MPP4: variants seen among roughly 807,000 people sequenced by gnomAD.
MPP4 encodes the protein MAGUK p55 scaffold protein 4.
In MPP4, 91 loss-of-function variants were observed where a neutral mutation model predicts 98.3. The ratio of observed to expected loss-of-function variants is 0.93; its 90% CI spans 0.78 to 1.10. MPP4 has a LOEUF of 1.10. Ranked by LOEUF, MPP4 falls within the 50% of genes least tolerant of loss-of-function variation. The pLI, the probability that MPP4 is intolerant of heterozygous loss-of-function variation, is 0.00. For missense variants in MPP4, 744 were observed against 792.9 expected (o/e 0.94, Z 0.74); for synonymous variants, 261 against 271.8 (o/e 0.96, Z 0.39).
intron 7 of MPP4, 102 bp downstream of exon 7, chr2:201,684,962 A>T: frequency 1.5e-5 from 4 of 271,356 alleles, no homozygotes; most frequent in South Asian, 6.7e-5. Flanking sequence ...AAAAAAAAAG[A>T]AAAAAAAAAA....
intron 14 of MPP4, among the ~76,000 whole-genome samples, chr2:201,660,682 C>A (rs1213104347): frequency 6.6e-6 from 1 of 152,054 alleles, no homozygotes; most frequent in Non-Finnish European, 1.5e-5. Flanking sequence ...CAGGTTTGAG[C>A]CTTCTCCCTC....
At position 201,666,383 on chromosome 2, in the gene MPP4, G is replaced by A; in HGVS notation, c.1013-11C>T. On this transcript the variant is annotated splice_polypyrimidine_tract_variant and intron_variant, in intron 12 of 21. Transcript: ENST00000409474. ...TCTTCATGTCATCTTCTATAAAAGA[G>A]TATAGAAAGGGAGAAACAGAATTTA... is the stretch of plus-strand genomic sequence containing the variant. 6.5e-7 allele frequency: 1 copy of A among 1,530,058 alleles called. No homozygotes were observed. The highest frequency in any genetic ancestry group is 8.8e-7 in the Non-Finnish European group (1 of 1,135,470). The allele number at this position is 1,530,058 out of a possible 1,614,324, so 94.8% of individuals were successfully genotyped here.
rs142507438 is a variant in MPP4, at chr2:201,645,814, C to A, written c.1720-410G>T. On this transcript the variant is annotated intron_variant, in intron 21 of 21. Coordinates refer to ENST00000409474, the MANE Select transcript of MPP4 (RefSeq NM_033066.3). ...TATAGGCACATGCCATCATGCCCAG[C>A]TAATTTTTGTAGAGAAAATATAATT... Among the ~76,000 whole-genome samples, 299 of 152,194 alleles carry A rather than the reference C, an allele frequency of 2.0e-3. 2 individuals are homozygous for A. The South Asian group carries it at 0.027, about 14-fold the overall frequency.
chr2:201,661,569 T>C, intron 14 of MPP4: 2 of 456,440 alleles, frequency 4.4e-6, no homozygotes, highest in South Asian at 1.5e-5. Flanking sequence ...GCAGTGCTGT[T>C]CTCAAAAGAA....
At chr2:201,651,710 T>C (rs2105912301) in intron 18 of MPP4, 1 of 933,040 alleles carries the variant, frequency 1.1e-6, no homozygotes, top group East Asian at 1.2e-4. Flanking sequence ...TCCCAGCACT[T>C]TGGGAGGCCA....
Position 201,685,902 on chromosome 2 carries a change from A to G in MPP4, c.492+17T>C, listed in dbSNP as rs574365682. ...TAAGCTTACCCTAAATGGAAAGATA[A>G]AAAATGATTTCCTTACCAGGGGCTG... is the stretch of plus-strand genomic sequence containing the variant. On this transcript the variant is annotated intron_variant, in intron 6 of 21. Transcript: ENST00000409474. 6.2e-7 allele frequency: 1 copy of G among 1,607,638 alleles called. No homozygotes were observed. Among genetic ancestry groups the G allele is most frequent in the African/African-American group, 1.3e-5 (1 of 74,922 alleles).
intron 16 of MPP4, among the ~76,000 whole-genome samples, 184 bp from the exon 17 acceptor site, chr2:201,656,552 C>T (rs1448417361): frequency 6.6e-6 from 1 of 152,194 alleles, no homozygotes; most frequent in Non-Finnish European, 1.5e-5. Context: ...TGTGCTAGCC[C>T]ATCTAGCACC....
chr2:201,677,905 G>A (rs1168570059), intron 10 of MPP4, among the ~76,000 whole-genome samples: 2 of 152,152 alleles, frequency 1.3e-5, no homozygotes, highest in South Asian at 4.1e-4. Context: ...CTCGGGGCAG[G>A]CCTCTTGCCC....
intron 18 of MPP4, 33 bp downstream of exon 18, chr2:201,654,804 C>T: frequency 1.3e-6 from 2 of 1,531,374 alleles, no homozygotes; most frequent in Non-Finnish European, 1.8e-6. Context: ...TTTACCAAAA[C>T]ACAAACCATT....
rs538270389 is a variant in MPP4 at position 201,681,087 on chromosome 2, G to A, written c.733-53C>T. On this transcript the variant is annotated intron_variant, in intron 9 of 21. Coordinates refer to ENST00000409474, the MANE Select transcript of MPP4 (RefSeq NM_033066.3). ...CAGAAGGTGCCTAATGGTGCCATCC[G>A]AAGAACCCTTGCCCATGGGCCATCA... 554 of 1,559,754 alleles carry A rather than the reference G, an allele frequency of 3.6e-4. 1 individual carries two copies. The highest frequency in any genetic ancestry group is 4.3e-4 in the South Asian group (37 of 86,680).
intron 16 of MPP4, 40 bp from the exon 17 acceptor site, chr2:201,656,408 G>C: frequency 6.6e-7 from 1 of 1,512,862 alleles, no homozygotes; most frequent in Non-Finnish European, 8.9e-7. Flanking sequence ...AACCAGGCAG[G>C]AGAGATCACT....
Position 201,645,170 on chromosome 2 carries a change from A to T in MPP4, c.*40T>A. On this transcript the variant is annotated 3_prime_UTR_variant, in exon 22 of 22. Transcript: ENST00000409474. ...GATTGCAACTATGGATCGCTGTATC[A>T]AGGGTACAGTGTTAAAACTCCAGCA... The T allele has an allele frequency of 6.5e-7, 1 of 1,529,046 alleles. No homozygotes were observed. Among genetic ancestry groups the T allele is most frequent in the South Asian group, 1.2e-5 (1 of 80,778 alleles). 94.7% of individuals were successfully genotyped at this position (1,529,046 alleles called of 1,614,324 possible).
chr2:201,684,218 C>CA (rs10578908), intron 7 of MPP4, among the ~76,000 whole-genome samples: 46 of 137,152 alleles, frequency 3.4e-4, no homozygotes, highest in African/African-American at 1.2e-3. Flanking sequence ...GACCCTGTCT[C>CA]AAAAAAAAAA....
intron 5 of MPP4, among the ~76,000 whole-genome samples, chr2:201,686,338 A>G (rs1301176762): frequency 6.6e-6 from 1 of 152,234 alleles, no homozygotes; most frequent in African/African-American, 2.4e-5. Context: ...ATGCCACGAC[A>G]TTCTTATTTC....
At position 201,687,372 on chromosome 2, in the gene MPP4, C is replaced by A. The variant is rs752634578; in HGVS notation, c.280-1G>T. The A allele has an allele frequency of 6.4e-7, 1 of 1,571,014 alleles. No individual in the cohort carries two copies. Among genetic ancestry groups the A allele is most frequent in the Non-Finnish European group, 8.6e-7 (1 of 1,156,286 alleles). ...GGGTTTCACGTAATAACTCCACTACCTGGTTCATGGAAAAGGATACATTAT... is the reference window on the plus strand; with the variant it reads ...GGGTTTCACGTAATAACTCCACTACATGGTTCATGGAAAAGGATACATTAT... On this transcript the variant is annotated splice_acceptor_variant, in intron 4 of 21. Coordinates refer to ENST00000409474, the MANE Select transcript of MPP4 (RefSeq NM_033066.3). LOFTEE classifies it high-confidence loss of function.
At chr2:201,685,326 A>G (rs940113834) in intron 6 of MPP4, among the ~76,000 whole-genome samples, 181 bp from the exon 7 acceptor site, 1 of 151,162 alleles carries the variant, frequency 6.6e-6, no homozygotes, top group Non-Finnish European at 1.5e-5. Flanking sequence ...CTGGTTTTTC[A>G]AACAAGGCTA....
intron 12 of MPP4, among the ~76,000 whole-genome samples, chr2:201,666,938 A>G (rs1429447141): frequency 2.0e-5 from 3 of 152,142 alleles, no homozygotes; most frequent in Non-Finnish European, 4.4e-5. Context: ...ATAACATAAA[A>G]TGGTTAAAAA....
intron 5 of MPP4, among the ~76,000 whole-genome samples, chr2:201,686,510 G>C (rs1420188246): frequency 6.6e-6 from 1 of 152,168 alleles, no homozygotes; most frequent in Non-Finnish European, 1.5e-5. Flanking sequence ...ACAGAATGAG[G>C]AGTTCATATG....
chr2:201,684,590 T>C (rs1365261098), intron 7 of MPP4, among the ~76,000 whole-genome samples: 1 of 152,204 alleles, frequency 6.6e-6, no homozygotes, highest in Non-Finnish European at 1.5e-5. Flanking sequence ...GGAATATTTG[T>C]TTCTTCTTTC....
Sources: gnomAD v4.1 joint callset for allele counts (sites outside exome capture counted in the v4.1 genomes callset) on GRCh38, gnomAD v4.1.1 for gene constraint, MANE v1.5 for transcripts, NCBI Gene and HGNC (gene_info 2026-07-23, HGNC 2026-07-21) for gene names.